Variants in MLIP observed in about 807,000 individuals in gnomAD.
The protein encoded by MLIP is muscular LMNA interacting protein, also known as muscular LMNA-interacting protein.
In MLIP, 79 loss-of-function variants were observed where a neutral mutation model predicts 84.8. The ratio of observed to expected loss-of-function variants is 0.93; its 90% CI spans 0.78 to 1.12. The LOEUF (loss-of-function observed/expected upper bound fraction) is 1.12, where lower values mean the gene tolerates loss of function less well. Among genes scored for constraint, MLIP ranks in the 50% most tolerant of loss-of-function variants. The probability of loss-of-function intolerance (pLI) is 0.00; values close to 1 mark genes in which losing one functional copy is unlikely to be tolerated. For missense variants in MLIP, 1,257 were observed against 1,160.6 expected (o/e 1.08, Z -1.21); for synonymous variants, 504 against 463.0 (o/e 1.09, Z -1.14).
intron 9 of MLIP, among the ~76,000 whole-genome samples, chr6:54,184,025 T>G (rs1421457033): frequency 1.3e-5 from 2 of 152,086 alleles, no homozygotes; most frequent in African/African-American, 4.8e-5. Flanking sequence ...TCTTTATCAT[T>G]TTATAATTTT....
intron 1 of MLIP, among the ~76,000 whole-genome samples, chr6:54,120,528 C>T (rs966342344): frequency 3.9e-5 from 6 of 152,190 alleles, no homozygotes; most frequent in Non-Finnish European, 5.9e-5. Flanking sequence ...CAGGAGCCAC[C>T]GCTCCCGGCT....
chr6:54,196,003 T>G (rs988004006), intron 10 of MLIP, among the ~76,000 whole-genome samples: 3 of 152,160 alleles, frequency 2.0e-5, no homozygotes, highest in Non-Finnish European at 4.4e-5. Flanking sequence ...TTTGGCTTTC[T>G]ACTCTTTCTT....
intron 4 of MLIP, among the ~76,000 whole-genome samples, chr6:54,146,945 T>C (rs2150515265): frequency 6.6e-6 from 1 of 152,312 alleles, no homozygotes; most frequent in East Asian, 1.9e-4. Context: ...GATTAGTTAT[T>C]TAACATTTCT....
intron 1 of MLIP, among the ~76,000 whole-genome samples, chr6:54,024,068 A>G (rs1763661868): frequency 6.6e-6 from 1 of 152,132 alleles, no homozygotes; most frequent in South Asian, 2.1e-4. Context: ...GCTGGAGTGC[A>G]ATGGTGCAAT....
intron 1 of MLIP, among the ~76,000 whole-genome samples, chr6:54,092,275 A>G (rs1307089738): frequency 1.3e-5 from 2 of 152,152 alleles, no homozygotes; most frequent in Non-Finnish European, 2.9e-5. Context: ...ATCATTCTAC[A>G]TGCTTGTGAA....
chr6:54,239,605 C>A (rs2150831629), intron 12 of MLIP, among the ~76,000 whole-genome samples: 1 of 149,192 alleles, frequency 6.7e-6, no homozygotes, highest in African/African-American at 2.5e-5. Context: ...TGGTGAAACC[C>A]CATCTCTACT....
intron 10 of MLIP, among the ~76,000 whole-genome samples, chr6:54,194,922 G>A (rs1582466079): frequency 6.6e-6 from 1 of 151,438 alleles, no homozygotes; most frequent in African/African-American, 2.4e-5. Flanking sequence ...TTGTTTGAGG[G>A]GAAAACATAG....
At chr6:54,056,926 A>AGTAGG (rs1225002036) in intron 1 of MLIP, among the ~76,000 whole-genome samples, 3 of 152,256 alleles carry the variant, frequency 2.0e-5, no homozygotes, top group Non-Finnish European at 4.4e-5. Context: ...GTTCTAAGGT[A>AGTAGG]GTAGGGTTAT....
chr6:54,168,821 A>T (rs1775464909), intron 8 of MLIP, among the ~76,000 whole-genome samples: 1 of 151,240 alleles, frequency 6.6e-6, no homozygotes, highest in Non-Finnish European at 1.5e-5. Flanking sequence ...TATGGAGAAA[A>T]ATGGATGGTA....
intron 1 of MLIP, among the ~76,000 whole-genome samples, chr6:54,022,143 A>G (rs12199925): frequency 0.56 from 84,689 of 152,046 alleles, 25,666 homozygotes; most frequent in Non-Finnish European, 0.69. Context: ...ATTTTCCAAA[A>G]TGCTTCCCAA....
chr6:54,025,078 G>A (rs918953640), intron 1 of MLIP, among the ~76,000 whole-genome samples: 1 of 151,390 alleles, frequency 6.6e-6, no homozygotes, highest in African/African-American at 2.4e-5. Flanking sequence ...CGAACTCCTG[G>A]GCTCAGGCAC....
intron 4 of MLIP, among the ~76,000 whole-genome samples, chr6:54,141,781 T>C (rs955359529): frequency 5.3e-5 from 8 of 152,186 alleles, no homozygotes; most frequent in African/African-American, 1.9e-4. Context: ...ATATGGAAAT[T>C]AGGGTAAGCA....
At chr6:54,174,976 G>A (rs1458958854) in intron 9 of MLIP, among the ~76,000 whole-genome samples, 1 of 151,944 alleles carries the variant, frequency 6.6e-6, no homozygotes, top group Non-Finnish European at 1.5e-5. Context: ...TGGACACCCA[G>A]CTTCCCCAGC....
chr6:54,149,459 A>G (rs1408183424), intron 5 of MLIP, among the ~76,000 whole-genome samples: 1 of 152,124 alleles, frequency 6.6e-6, no homozygotes, highest in Non-Finnish European at 1.5e-5. Flanking sequence ...AAGAACTTTC[A>G]TATCTGTCCA....
chr6:54,222,951 C>G (rs1293717639), intron 11 of MLIP, among the ~76,000 whole-genome samples: 1 of 151,874 alleles, frequency 6.6e-6, no homozygotes, highest in African/African-American at 2.4e-5. Flanking sequence ...TTTGCATTTC[C>G]CTGATGACTA....
intron 8 of MLIP, among the ~76,000 whole-genome samples, chr6:54,166,632 C>A (rs1176739295): frequency 6.6e-6 from 1 of 151,850 alleles, no homozygotes; most frequent in Non-Finnish European, 1.5e-5. Context: ...TTCTTCTTCC[C>A]AAACTGTTAA....
intron 1 of MLIP, among the ~76,000 whole-genome samples, chr6:54,031,952 T>C (rs2150284373): frequency 6.6e-6 from 1 of 152,264 alleles, no homozygotes. Context: ...AATTGCAGAT[T>C]TTGTCATTGG....
chr6:54,098,027 A>C (rs756929011), intron 1 of MLIP, among the ~76,000 whole-genome samples: 4 of 152,152 alleles, frequency 2.6e-5, no homozygotes, highest in Non-Finnish European at 5.9e-5. Flanking sequence ...GAAATTAGCC[A>C]GTTCTAATGA....
intron 11 of MLIP, among the ~76,000 whole-genome samples, chr6:54,212,212 G>A (rs923733981): frequency 4.6e-5 from 7 of 152,204 alleles, no homozygotes; most frequent in African/African-American, 1.7e-4. Flanking sequence ...ATTTGAAAGA[G>A]TCAGATGGTT....
Sources: allele counts gnomAD v4.1 joint callset (sites outside exome capture counted in the v4.1 genomes callset), GRCh38; gene constraint gnomAD v4.1.1; transcripts MANE v1.5; gene names NCBI Gene and HGNC (gene_info 2026-07-23, HGNC 2026-07-21).